RUVBL1: variants seen among roughly 807,000 people sequenced by gnomAD.
RUVBL1 encodes the protein ruvB-like 1.
RUVBL1 carries 4 observed loss-of-function variants against 52.4 expected under a neutral mutation model. The observed-to-expected ratio is 0.08, with a 90% confidence interval of 0.04 to 0.17. RUVBL1 has a LOEUF of 0.17. RUVBL1 is among the 10% of genes least tolerant of loss of function. The probability of loss-of-function intolerance (pLI) is 1.00; values close to 1 mark genes in which losing one functional copy is unlikely to be tolerated. For missense variants in RUVBL1, 298 were observed against 572.8 expected (o/e 0.52, Z 4.90); for synonymous variants, 217 against 214.4 (o/e 1.01, Z -0.10).
chr3:128,064,948 C>A, exon 10 of RUVBL1: 1 of 1,614,236 alleles, frequency 6.2e-7, no homozygotes, highest in Non-Finnish European at 8.5e-7. Flanking sequence ...GGTCCGAGCC[C>A]TTCGGGAGGC....
chr3:128,090,506 G>T (rs1452800108), intron 8 of RUVBL1, among the ~76,000 whole-genome samples: 1 of 152,176 alleles, frequency 6.6e-6, no homozygotes, highest in African/African-American at 2.4e-5. Flanking sequence ...GTGACAGAGT[G>T]AGACTCCGTC....
chr3:128,153,855 A>G (rs1393966135), exon 1 of RUVBL1: 24 of 1,473,920 alleles, frequency 1.6e-5, no homozygotes, highest in Non-Finnish European at 2.1e-5. Context: ...AGCCGGGCTC[A>G]GGGACGCGGG....
upstream of RUVBL1, among the ~76,000 whole-genome samples, chr3:128,126,398 TA>T (rs1288182345): frequency 6.6e-6 from 1 of 152,040 alleles, no homozygotes; most frequent in Non-Finnish European, 1.5e-5. Context: ...ATACAAAAAT[TA>T]CCTGGGCGTG....
chr3:128,126,480 A>T (rs1943794883), upstream of RUVBL1, among the ~76,000 whole-genome samples: 1 of 150,870 alleles, frequency 6.6e-6, no homozygotes, highest in South Asian at 2.1e-4. Context: ...CAGGAGGTGG[A>T]GGTTGCAGTG....
intron 3 of RUVBL1, among the ~76,000 whole-genome samples, chr3:128,111,728 A>G (rs1013234590): frequency 6.6e-6 from 1 of 152,138 alleles, no homozygotes; most frequent in African/African-American, 2.4e-5. Flanking sequence ...AGCTTTAACC[A>G]TGGCCCTACC....
At position 128,123,659 on chromosome 3, in the gene RUVBL1, T is replaced by C; in HGVS notation, c.66A>G (p.Lys22=). Reference sequence around the variant, plus strand: ...AGCCGCTCTCGTCCAGCCCCAGCCCTTTCACGTGGCTGTGGGAGGCGATGC... The same window carrying C: ...AGCCGCTCTCGTCCAGCCCCAGCCCCTTCACGTGGCTGTGGGAGGCGATGC... The part of the protein sequence containing the change: ...TQRIASHSHV[K]GLGLDESGLA... Residue 22 remains lysine (K), a synonymous_variant, in exon 1 of 11, where the codon AAA becomes AAG. Coordinates refer to ENST00000322623, the MANE Select transcript of RUVBL1 (RefSeq NM_003707.3). 4.3e-6 allele frequency: 7 copies of C among 1,612,326 alleles called. No individual in the cohort carries two copies. Among genetic ancestry groups the C allele is most frequent in the Non-Finnish European group, 5.9e-6 (7 of 1,179,412 alleles).
intron 2 of RUVBL1, among the ~76,000 whole-genome samples, chr3:128,114,832 C>T (rs909573581): frequency 9.1e-6 from 1 of 110,026 alleles, no homozygotes; most frequent in African/African-American, 3.9e-5. Flanking sequence ...TGGACAGGAC[C>T]ACCCCTTCCC....
chr3:128,107,147 C>T (rs368675300), intron 3 of RUVBL1, among the ~76,000 whole-genome samples: 14 of 152,290 alleles, frequency 9.2e-5, no homozygotes, highest in East Asian at 7.7e-4. Flanking sequence ...TCTAAATCTC[C>T]GCTGGAGCCT....
chr3:128,104,208 C>CT (rs1289531291), intron 4 of RUVBL1, among the ~76,000 whole-genome samples: 4 of 152,214 alleles, frequency 2.6e-5, no homozygotes, highest in Non-Finnish European at 5.9e-5. Context: ...TGAGGACTGT[C>CT]TTTGAGCGCT....
At chr3:128,064,929 C>T in exon 10 of RUVBL1, 1 of 1,614,094 alleles carries the variant, frequency 6.2e-7, no homozygotes, top group Non-Finnish European at 8.5e-7. Flanking sequence ...TGGCCACACG[C>T]ACAGACAAGG....
rs750396475 is a variant in RUVBL1 at position 128,069,615 on chromosome 3, G to A, written c.940-4395C>T. On this transcript the variant is annotated intron_variant, in intron 9 of 9. Transcript: ENST00000464873. ...CATCTACCAGTACTTTGAGATCTTC[G>A]TTAAGGAGCAAAGCGAGGTTGGCAG... The A allele has an allele frequency of 3.1e-6, 5 of 1,614,050 alleles. No individual in the cohort carries two copies. Among genetic ancestry groups the A allele is most frequent in the African/African-American group, 1.3e-5 (1 of 74,936 alleles).
At chr3:128,097,590 T>C (rs34228187) in intron 7 of RUVBL1, 92 bp from the exon 8 acceptor site, 139,090 of 1,136,186 alleles carry the variant, frequency 0.12, 9,676 homozygotes, top group African/African-American at 0.23. Flanking sequence ...TCCAAACCCA[T>C]GCTAGGAGCC....
intron 4 of RUVBL1, 126 bp from the exon 5 acceptor site, chr3:128,101,774 T>G (rs1943113357): frequency 1.1e-6 from 1 of 888,024 alleles, no homozygotes; most frequent in Non-Finnish European, 1.8e-6. Context: ...TGTTTTGCGT[T>G]TGCATGAATA....
chr3:128,144,537 T>C (rs898491303), intron 1 of RUVBL1, among the ~76,000 whole-genome samples: 1 of 152,232 alleles, frequency 6.6e-6, no homozygotes, highest in Non-Finnish European at 1.5e-5. Flanking sequence ...ACGGAGTCTG[T>C]TGCAGAGGAG....
intron 3 of RUVBL1, among the ~76,000 whole-genome samples, chr3:128,109,352 C>G (rs1943322975): frequency 6.6e-6 from 1 of 152,098 alleles, no homozygotes. Flanking sequence ...TCGAGACCAC[C>G]TGGGCAACAT....
upstream of RUVBL1, among the ~76,000 whole-genome samples, chr3:128,125,005 CTTTTTTTTTTTTTTTT>C (rs749620135): frequency 1.6e-5 from 1 of 61,352 alleles, no homozygotes; most frequent in Non-Finnish European, 2.8e-5. Flanking sequence ...CTCACACCGC[CTTTTTTTTTTTTTTTT>C]TTTTTTTTTT....
chr3:128,146,905 T>C (rs1944115189), intron 1 of RUVBL1, among the ~76,000 whole-genome samples: 1 of 152,258 alleles, frequency 6.6e-6, no homozygotes. Flanking sequence ...CTGTAAGGAC[T>C]GTGGCTCCTC....
chr3:128,069,548 C>T lies in RUVBL1; in HGVS notation c.940-4328G>A, dbSNP rs143929698. 2.5e-4 allele frequency: 411 copies of T among 1,613,936 alleles called. 2 individuals carry two copies. The highest frequency in any genetic ancestry group is 3.3e-4 in the Non-Finnish European group (388 of 1,180,024). ...TCTCGGTCCTGGCTGACTTCCTAGG[C>T]GCCATTGGGTCTGGAACCGGGATCC... On this transcript the variant is annotated intron_variant, in intron 9 of 9. Coordinates refer to the RUVBL1 transcript ENST00000464873.
At chr3:128,103,566 T>C (rs375785610) in intron 4 of RUVBL1, among the ~76,000 whole-genome samples, 1 of 152,180 alleles carries the variant, frequency 6.6e-6, no homozygotes, top group South Asian at 2.1e-4. Context: ...AGAAATTATA[T>C]GGTCAATCTC....
Sources: gnomAD v4.1 joint callset for allele counts (sites outside exome capture counted in the v4.1 genomes callset) on GRCh38, gnomAD v4.1.1 for gene constraint, MANE v1.5 for transcripts, NCBI Gene and HGNC (gene_info 2026-07-23, HGNC 2026-07-21) for gene names.